DNAJC1: variants seen among roughly 807,000 people sequenced by gnomAD.
DNAJC1 encodes DnaJ heat shock protein family (Hsp40) member C1.
Under a neutral mutation model 76.6 loss-of-function variants are expected in DNAJC1, and 58 were observed. The observed-to-expected ratio is 0.76, with a 90% CI of 0.61 to 0.94. The LOEUF is 0.94. Among genes scored for constraint, DNAJC1 ranks in the 40% least tolerant of loss-of-function variants. The probability of loss-of-function intolerance (pLI) is 0.00; values close to 1 mark genes in which losing one functional copy is unlikely to be tolerated. For synonymous variants in DNAJC1, 258 were observed against 267.9 expected, an observed-to-expected ratio of 0.96 and a Z score of 0.36; for missense variants, 689 against 677.3, an observed-to-expected ratio of 1.02 and a Z score of -0.19.
chr10:21,763,366 C>T (rs567831860), intron 10 of DNAJC1, among the ~76,000 whole-genome samples: 4 of 152,236 alleles, frequency 2.6e-5, no homozygotes, highest in South Asian at 2.1e-4. Flanking sequence ...TAGTCTTCAG[C>T]GAGTATGCTG....
intron 8 of DNAJC1, among the ~76,000 whole-genome samples, chr10:21,872,644 A>G (rs1806035043): frequency 6.6e-6 from 1 of 152,204 alleles, no homozygotes; most frequent in Admixed American, 6.5e-5. Context: ...AATAAAAAGG[A>G]ATAAAGGAAA....
intron 8 of DNAJC1, among the ~76,000 whole-genome samples, chr10:21,862,920 G>A (rs1835939910): frequency 6.6e-6 from 1 of 152,050 alleles, no homozygotes; most frequent in African/African-American, 2.4e-5. Flanking sequence ...ATTACCTGAG[G>A]TTGGGAGTTC....
At chr10:21,834,644 A>T (rs914533900) in intron 8 of DNAJC1, among the ~76,000 whole-genome samples, 1 of 152,100 alleles carries the variant, frequency 6.6e-6, no homozygotes, top group Non-Finnish European at 1.5e-5. Context: ...TTTCCAACGG[A>T]CTTAAAAAAC....
intron 8 of DNAJC1, among the ~76,000 whole-genome samples, chr10:21,849,242 G>A (rs975266796): frequency 1.1e-4 from 15 of 133,664 alleles, no homozygotes; most frequent in African/African-American, 2.6e-4. Context: ...GCAGTGAGCC[G>A]AGATCGTGCC....
intron 8 of DNAJC1, among the ~76,000 whole-genome samples, chr10:21,864,020 T>C (rs918810938): frequency 6.6e-6 from 1 of 151,444 alleles, no homozygotes; most frequent in Non-Finnish European, 1.5e-5. Flanking sequence ...CTAAGGAACA[T>C]GGCAAAACCC....
At position 21,783,233 on chromosome 10, in the gene DNAJC1, CA is replaced by C. The variant is rs576609149; in HGVS notation, c.1099-16925del. Among the ~76,000 whole-genome samples, 927 of 152,284 alleles carry C rather than the reference CA, an allele frequency of 6.1e-3. 13 individuals carry two copies. Among genetic ancestry groups the C allele is most frequent in the African/African-American group, 0.021 (870 of 41,550 alleles). ...GGATACAAAATCAATGTGCAAAAAT[CA>C]CAAGCATTCTTATACACCAATAACA... is the stretch of plus-strand genomic sequence containing the variant. On this transcript the variant is annotated intron_variant, in intron 9 of 11. Coordinates refer to ENST00000376980, the MANE Select transcript of DNAJC1 (RefSeq NM_022365.4).
At chr10:21,907,025 CT>C (rs1836757464) in intron 6 of DNAJC1, among the ~76,000 whole-genome samples, 1 of 152,130 alleles carries the variant, frequency 6.6e-6, no homozygotes. Flanking sequence ...ATCCTTCTCA[CT>C]TCATTTTGCT....
At chr10:21,875,188 T>G (rs1836165714) in intron 8 of DNAJC1, among the ~76,000 whole-genome samples, 1 of 151,694 alleles carries the variant, frequency 6.6e-6, no homozygotes, top group Non-Finnish European at 1.5e-5. Flanking sequence ...GCGAGAAAAG[T>G]TTTTTTTGAG....
chr10:21,954,550 G>A (rs1192949052), intron 1 of DNAJC1, among the ~76,000 whole-genome samples: 1 of 152,120 alleles, frequency 6.6e-6, no homozygotes, highest in Admixed American at 6.5e-5. Flanking sequence ...AGTTTGTATA[G>A]GAAATAGTAG....
intron 1 of DNAJC1, among the ~76,000 whole-genome samples, chr10:21,963,449 G>A (rs368494584): frequency 6.6e-6 from 1 of 152,122 alleles, no homozygotes; most frequent in Non-Finnish European, 1.5e-5. Flanking sequence ...TAGATTAAAG[G>A]GTTAAAAGAT....
intron 1 of DNAJC1, among the ~76,000 whole-genome samples, chr10:21,982,145 T>G (rs1437944250): frequency 1.3e-5 from 2 of 152,216 alleles, no homozygotes; most frequent in Admixed American, 6.5e-5. Flanking sequence ...TAACGAAGTC[T>G]CTTTTCTCCT....
chr10:21,978,248 A>T (rs888472784), intron 1 of DNAJC1, among the ~76,000 whole-genome samples: 3 of 152,200 alleles, frequency 2.0e-5, no homozygotes, highest in African/African-American at 4.8e-5. Flanking sequence ...CTCCATCAAG[A>T]GGGAAATTTG....
chr10:21,863,818 T>C (rs1835953425), intron 8 of DNAJC1, among the ~76,000 whole-genome samples: 1 of 152,090 alleles, frequency 6.6e-6, no homozygotes, highest in Non-Finnish European at 1.5e-5. Flanking sequence ...GAAATAGAAG[T>C]AACTTTCCTC....
At chr10:21,792,619 C>CATA (rs1303605989) in intron 9 of DNAJC1, among the ~76,000 whole-genome samples, 1 of 151,842 alleles carries the variant, frequency 6.6e-6, no homozygotes, top group Non-Finnish European at 1.5e-5. Flanking sequence ...GTTAGCCAGG[C>CATA]ATAGTGGCAG....
At chr10:21,793,668 G>A (rs956848246) in intron 9 of DNAJC1, among the ~76,000 whole-genome samples, 1 of 152,208 alleles carries the variant, frequency 6.6e-6, no homozygotes, top group African/African-American at 2.4e-5. Context: ...AATTCTGGCT[G>A]GGCGCAGTGG....
intron 8 of DNAJC1, among the ~76,000 whole-genome samples, chr10:21,870,491 G>C (rs1836085228): frequency 1.3e-5 from 2 of 152,106 alleles, no homozygotes; most frequent in Admixed American, 6.5e-5. Flanking sequence ...AACCAGGCTA[G>C]AGCCTGGTAC....
rs151263838 is a variant in DNAJC1, at chr10:21,861,907, T to C, written c.978+20375A>G. Among the ~76,000 whole-genome samples the C allele has an allele frequency of 8.1e-4, 123 of 152,040 alleles. 5 individuals carry two copies. The East Asian group carries it at 0.02, about 25-fold the overall frequency. ...CATTCTTTCATCCCTTCACTTTCTT[T>C]ATTTTTTATTTATTTATTTATTTAT... is the stretch of plus-strand genomic sequence containing the variant. On this transcript the variant is annotated intron_variant, in intron 8 of 11. Coordinates refer to ENST00000376980, the MANE Select transcript of DNAJC1 (RefSeq NM_022365.4).
At chr10:21,955,605 C>G (rs976241470) in intron 1 of DNAJC1, among the ~76,000 whole-genome samples, 2 of 151,962 alleles carry the variant, frequency 1.3e-5, no homozygotes, top group African/African-American at 4.8e-5. Flanking sequence ...TGTAGGATGG[C>G]TAAATAGAGC....
At chr10:21,792,430 T>A (rs1274364253) in intron 9 of DNAJC1, among the ~76,000 whole-genome samples, 1 of 152,092 alleles carries the variant, frequency 6.6e-6, no homozygotes, top group Non-Finnish European at 1.5e-5. Context: ...GACCATTCGC[T>A]CTCATGAACA....
Sources: allele counts gnomAD v4.1 joint callset (sites outside exome capture counted in the v4.1 genomes callset), GRCh38; gene constraint gnomAD v4.1.1; transcripts MANE v1.5; gene names NCBI Gene and HGNC (gene_info 2026-07-23, HGNC 2026-07-21).